MAGI1: variants seen among roughly 807,000 people sequenced by gnomAD.
MAGI1 encodes the protein membrane associated guanylate kinase, WW and PDZ domain containing 1.
In MAGI1, 58 loss-of-function variants were observed where a neutral mutation model predicts 139.9. The observed-to-expected ratio is 0.41, with a 90% CI of 0.34 to 0.52. The LOEUF (loss-of-function observed/expected upper bound fraction) is 0.52, where lower values mean the gene tolerates loss of function less well. MAGI1 is among the 20% of genes least tolerant of loss of function. The pLI, the probability that MAGI1 is intolerant of heterozygous loss-of-function variation, is 0.12. For synonymous variants in MAGI1, 812 were observed against 737.9 expected, an observed-to-expected ratio of 1.10 and a Z score of -1.63; for missense variants, 1,874 against 1,901.6, an observed-to-expected ratio of 0.99 and a Z score of 0.27.
chr3:65,961,749 T>C (rs1165928567), intron 1 of MAGI1, among the ~76,000 whole-genome samples: 1 of 152,190 alleles, frequency 6.6e-6, no homozygotes, highest in East Asian at 1.9e-4. Context: ...CATCCATTCG[T>C]GTCATTTTAC....
intron 1 of MAGI1, chr3:65,925,204 A>C (rs1272722697): frequency 6.6e-6 from 1 of 152,216 alleles, no homozygotes; most frequent in Non-Finnish European, 1.5e-5. Context: ...ATGCCTGTTT[A>C]AGTCACCTTT....
chr3:65,711,258 C>G (rs1325874041), intron 1 of MAGI1, among the ~76,000 whole-genome samples: 2 of 152,128 alleles, frequency 1.3e-5, no homozygotes, highest in East Asian at 3.9e-4. Context: ...TTACTATGAA[C>G]TGTATTATAC....
At chr3:66,020,093 G>T (rs896942907) in intron 1 of MAGI1, among the ~76,000 whole-genome samples, 1 of 152,130 alleles carries the variant, frequency 6.6e-6, no homozygotes, top group Non-Finnish European at 1.5e-5. Flanking sequence ...TCTCTCCCTG[G>T]CTGTGAGTAA....
At chr3:65,359,132 C>T (rs953821535) in intron 22 of MAGI1, 30 of 1,613,432 alleles carry the variant, frequency 1.9e-5, no homozygotes, top group Non-Finnish European at 2.4e-5. Context: ...ATACATGCAG[C>T]GATATTAGGA....
chr3:65,885,196 C>T (rs1476553163), intron 1 of MAGI1, among the ~76,000 whole-genome samples: 1 of 152,012 alleles, frequency 6.6e-6, no homozygotes, highest in Non-Finnish European at 1.5e-5. Context: ...GTCAAGAGTT[C>T]AAGACCAGCC....
chr3:65,640,182 CTG>C (rs1386602438), intron 1 of MAGI1, among the ~76,000 whole-genome samples: 1 of 151,854 alleles, frequency 6.6e-6, no homozygotes, highest in Non-Finnish European at 1.5e-5. Flanking sequence ...GTCTCTATAA[CTG>C]TGTGAGCCAA....
intron 1 of MAGI1, among the ~76,000 whole-genome samples, chr3:65,796,662 A>C (rs2040169662): frequency 6.6e-6 from 1 of 152,214 alleles, no homozygotes; most frequent in Non-Finnish European, 1.5e-5. Context: ...TAAATGCCTA[A>C]ACCTTCTGAA....
intron 1 of MAGI1, among the ~76,000 whole-genome samples, chr3:65,770,182 C>A (rs187329701): frequency 4.5e-4 from 68 of 152,318 alleles, no homozygotes; most frequent in African/African-American, 1.5e-3. Context: ...GGAAATACAA[C>A]CAGTGTGTCA....
Position 65,353,927 on chromosome 3 carries a change from T to C in MAGI1, c.*2451A>G, listed in dbSNP as rs916433496. 12 of 152,220 alleles carry C rather than the reference T, an allele frequency of 7.9e-5. No homozygotes were observed. The highest frequency in any genetic ancestry group is 2.9e-4 in the African/African-American group (12 of 41,442). The allele number at this position is 152,220 out of a possible 1,614,324, so 9.4% of individuals were successfully genotyped here. ...CAGGTGAAACTGCCACACCAAAAAG[T>C]CCACGGATTGAGACAAGCCCAGGTG... On this transcript the variant is annotated 3_prime_UTR_variant, in exon 23 of 23. Transcript: ENST00000402939.
intron 2 of MAGI1, among the ~76,000 whole-genome samples, chr3:65,610,742 G>GTATATACTATATACTATATAT (rs11276480): frequency 2.5e-5 from 3 of 121,318 alleles, no homozygotes; most frequent in Non-Finnish European, 5.1e-5. Context: ...ATAGTATATA[G>GTATATACTATATACTATATAT]TATATATACA....
intron 1 of MAGI1, among the ~76,000 whole-genome samples, chr3:65,694,623 C>G (rs909519252): frequency 1.3e-5 from 2 of 152,186 alleles, no homozygotes; most frequent in South Asian, 2.1e-4. Context: ...TCTGGCTAAG[C>G]CTTCGGCTCA....
Position 65,364,739 on chromosome 3 carries a change from A to G in MAGI1, c.3291-14T>C. On this transcript the variant is annotated splice_polypyrimidine_tract_variant and intron_variant, in intron 19 of 22. Coordinates refer to ENST00000402939, the MANE Select transcript of MAGI1 (RefSeq NM_001033057.2). ...TTGGTGGTATTCCTGCCAAAGTGAA[A>G]GAAATAAATATAAGAGCAACCCATT... 2.5e-6 allele frequency: 4 copies of G among 1,613,710 alleles called. No individual in the cohort carries two copies. The highest frequency in any genetic ancestry group is 1.7e-5 in the Admixed American group (1 of 60,018).
chr3:65,817,187 C>T (rs2041659704), intron 1 of MAGI1, among the ~76,000 whole-genome samples: 1 of 152,110 alleles, frequency 6.6e-6, no homozygotes, highest in Non-Finnish European at 1.5e-5. Context: ...TGGACTAATT[C>T]TGAAGATGTG....
intron 1 of MAGI1, among the ~76,000 whole-genome samples, chr3:65,694,072 G>C (rs1020948562): frequency 4.6e-5 from 7 of 152,056 alleles, no homozygotes; most frequent in Admixed American, 1.3e-4. Context: ...TATACAGACA[G>C]GTTATTTTTT....
chr3:65,897,906 A>T (rs1231238479), intron 1 of MAGI1, among the ~76,000 whole-genome samples: 1 of 151,736 alleles, frequency 6.6e-6, no homozygotes, highest in Non-Finnish European at 1.5e-5. Flanking sequence ...GGAAAAAAAA[A>T]ACTTAATGGA....
intron 12 of MAGI1, among the ~76,000 whole-genome samples, chr3:65,405,002 C>T (rs1945220092): frequency 6.6e-6 from 1 of 152,164 alleles, no homozygotes; most frequent in African/African-American, 2.4e-5. Context: ...ATGGGCTTGT[C>T]TGGTCCATTC....
Position 66,038,001 on chromosome 3 carries a change from CT to C in MAGI1, c.307del (p.Arg103AspfsTer6). The C allele has an allele frequency of 6.3e-7, 1 of 1,576,000 alleles. No individual in the cohort carries two copies. The highest frequency in any genetic ancestry group is 8.6e-7 in the Non-Finnish European group (1 of 1,159,198). ...CKEAVTFKAV[R>X]QGGRLNKDLR... is the part of the protein sequence containing the mutation. Reference sequence around the variant, plus strand: ...AAAGGCGCGCCCTGCCTTACCTTGTCTGACGGCCTTGAAGGTGACGGCCTCC... The same window carrying C: ...AAAGGCGCGCCCTGCCTTACCTTGTCGACGGCCTTGAAGGTGACGGCCTCC... On this transcript the variant is annotated frameshift_variant, in exon 1 of 23. Transcript: ENST00000402939. LOFTEE classifies it high-confidence loss of function.
At chr3:65,918,632 G>C (rs946769045) in intron 1 of MAGI1, among the ~76,000 whole-genome samples, 4 of 152,042 alleles carry the variant, frequency 2.6e-5, no homozygotes, top group African/African-American at 9.7e-5. Flanking sequence ...GCCTGCCTTG[G>C]CCTCCCAAAA....
At chr3:65,877,041 C>T (rs2060144567) in intron 1 of MAGI1, among the ~76,000 whole-genome samples, 1 of 152,116 alleles carries the variant, frequency 6.6e-6, no homozygotes. Flanking sequence ...CTGCGCCTGG[C>T]CTATGCTCTA....
Sources: gnomAD v4.1 joint callset for allele counts (sites outside exome capture counted in the v4.1 genomes callset) on GRCh38, gnomAD v4.1.1 for gene constraint, MANE v1.5 for transcripts, NCBI Gene and HGNC (gene_info 2026-07-23, HGNC 2026-07-21) for gene names.